Variants in MTOR observed in about 807,000 individuals in gnomAD.
The protein encoded by MTOR is mechanistic target of rapamycin kinase.
Under a neutral mutation model 319.8 loss-of-function variants are expected in MTOR, and 70 were observed. That is an observed-to-expected ratio of 0.22 (90% CI 0.18 to 0.27). MTOR has a LOEUF of 0.27. Ranked by LOEUF, MTOR falls within the 10% of genes least tolerant of loss-of-function variation. MTOR has a pLI of 1.00. For synonymous variants in MTOR, 1,183 were observed against 1,211.4 expected, an observed-to-expected ratio of 0.98 and a Z score of 0.49; for missense variants, 1,890 against 3,274.4, an observed-to-expected ratio of 0.58 and a Z score of 10.32.
Position 11,130,626 on chromosome 1 carries a change from G to C in MTOR, c.5516C>G (p.Thr1839Ser), listed in dbSNP as rs1643096210. 6.2e-7 allele frequency: 1 copy of C among 1,613,778 alleles called. No individual in the cohort carries two copies. The highest frequency in any genetic ancestry group is 1.1e-5 in the South Asian group (1 of 91,034). Reference protein sequence around the residue: ...TTAATTAATATTTASTEGSNS... With the variant: ...TTAATTAATASTTASTEGSNS... Reference sequence around the variant, plus strand: ...GCTGCCCTCGGTGCTGGCAGTGGTGGTGGCAGTGGCGGCCGTGGTGGCGGC... The same window carrying C: ...GCTGCCCTCGGTGCTGGCAGTGGTGCTGGCAGTGGCGGCCGTGGTGGCGGC... Residue 1839 changes from threonine (T) to serine (S), a missense_variant, in exon 39 of 58, where the codon ACC becomes AGC. Thr to Ser is a moderately conservative substitution (Grantham distance 58, BLOSUM62 1). Coordinates refer to ENST00000361445, the MANE Select transcript of MTOR (RefSeq NM_004958.4).
intron 28 of MTOR, chr1:11,194,442 G>GC: frequency 6.2e-7 from 1 of 1,612,914 alleles, no homozygotes; most frequent in Non-Finnish European, 8.5e-7. Flanking sequence ...TTTCTTTAAG[G>GC]CTCTGCTCCT....
At chr1:11,147,189 T>C (rs889375038) in intron 31 of MTOR, among the ~76,000 whole-genome samples, 2 of 152,356 alleles carry the variant, frequency 1.3e-5, no homozygotes, top group Non-Finnish European at 2.9e-5. Context: ...TTCAATGGTA[T>C]GTTGGGAAAT....
chr1:11,230,801 A>G, intron 18 of MTOR, 124 bp downstream of exon 18: 2 of 1,321,136 alleles, frequency 1.5e-6, no homozygotes, highest in Non-Finnish European at 2.1e-6. Context: ...TTCATTCAAA[A>G]GTTGCTACAC....
chr1:11,124,733 C>G (rs1447147117), intron 46 of MTOR, 100 bp from the exon 47 acceptor site: 3 of 1,290,294 alleles, frequency 2.3e-6, no homozygotes, highest in Non-Finnish European at 3.1e-6. Flanking sequence ...CTACATATGC[C>G]TTACCTAATC....
chr1:11,247,922 G>A lies in MTOR; in HGVS notation c.1013C>T (p.Ser338Phe), dbSNP rs773862672. ...CCCAAATCCCATGAGGCCTTGGTGA[G>A]AGCTGTACCCCAGCAGCCCCACCAA... The part of the protein sequence containing the change: ...NALVGLLGYS[S>F]HQGLMGFGTS... Residue 338 changes from serine (S) to phenylalanine (F), a missense_variant, in exon 7 of 58, where the codon TCT becomes TTT. Physicochemically the swap from Ser to Phe is radical, Grantham distance 155. Coordinates refer to ENST00000361445, the MANE Select transcript of MTOR (RefSeq NM_004958.4). 6.2e-7 allele frequency: 1 copy of A among 1,614,200 alleles called. No individual in the cohort carries two copies. The highest frequency in any genetic ancestry group is 1.1e-5 in the South Asian group (1 of 91,082).
intron 28 of MTOR, among the ~76,000 whole-genome samples, chr1:11,171,476 C>G (rs1644812335): frequency 6.6e-6 from 1 of 151,680 alleles, no homozygotes; most frequent in Non-Finnish European, 1.5e-5. Context: ...TTAACATTAC[C>G]GAAGCTCGAT....
chr1:11,235,117 A>G (rs1450156742), intron 13 of MTOR, among the ~76,000 whole-genome samples: 1 of 152,194 alleles, frequency 6.6e-6, no homozygotes, highest in Non-Finnish European at 1.5e-5. Context: ...ACCACAGGGA[A>G]AAGAAATGAA....
At chr1:11,167,989 G>T (rs1038349985) in intron 28 of MTOR, among the ~76,000 whole-genome samples, 1 of 151,936 alleles carries the variant, frequency 6.6e-6, no homozygotes, top group East Asian at 1.9e-4. Flanking sequence ...AGAATGGCGT[G>T]AACCTGGGAG....
In MTOR at chr1:11,107,055, ATC is replaced by A; in HGVS notation, c.*428_*429del. The A allele has an allele frequency of 7.3e-7, 1 of 1,371,908 alleles. No individual in the cohort carries two copies. Among genetic ancestry groups the A allele is most frequent in the Non-Finnish European group, 9.6e-7 (1 of 1,039,738 alleles). The allele number at this position is 1,371,908 out of a possible 1,614,324, so 85.0% of individuals were successfully genotyped here. ...TGTGTCTTTACAGTCTAGGATCCTA[ATC>A]CATGTTCTCCACGACCTGAGGCTTC... is the stretch of plus-strand genomic sequence containing the variant. On this transcript the variant is annotated 3_prime_UTR_variant, in exon 58 of 58. Transcript: ENST00000361445.
At chr1:11,180,821 G>C (rs553469567) in intron 28 of MTOR, among the ~76,000 whole-genome samples, 1 of 150,586 alleles carries the variant, frequency 6.6e-6, no homozygotes, top group East Asian at 1.9e-4. Flanking sequence ...TCTGTCGCCA[G>C]GCTGGAGTGC....
At chr1:11,211,544 T>G (rs546451748) in intron 23 of MTOR, among the ~76,000 whole-genome samples, 1 of 152,266 alleles carries the variant, frequency 6.6e-6, no homozygotes, top group South Asian at 2.1e-4. Context: ...AGTTTTAAAT[T>G]TTTTTGTGGA....
chr1:11,239,629 G>T (rs1553127040), intron 11 of MTOR, among the ~76,000 whole-genome samples: 1 of 152,116 alleles, frequency 6.6e-6, no homozygotes, highest in Non-Finnish European at 1.5e-5. Context: ...CGCCAGCCGG[G>T]CACAGTGGCT....
intron 9 of MTOR, 142 bp from the exon 10 acceptor site, chr1:11,241,823 C>T (rs1648076314): frequency 1.2e-6 from 1 of 811,896 alleles, no homozygotes; most frequent in South Asian, 1.8e-5. Flanking sequence ...GAGCACAGTT[C>T]AAAGGGACCC....
intron 57 of MTOR, 130 bp downstream of exon 57, chr1:11,108,051 A>T: frequency 1.6e-6 from 1 of 635,390 alleles, no homozygotes; most frequent in Non-Finnish European, 2.7e-6. Context: ...ATGAATTTTT[A>T]AAGAGATCTG....
At chr1:11,259,484 T>C in intron 1 of MTOR, 61 bp from the exon 2 acceptor site, 2 of 1,492,700 alleles carry the variant, frequency 1.3e-6, no homozygotes, top group South Asian at 1.4e-5. Context: ...AATTTACTTA[T>C]GGCCCTGGTC....
In MTOR at chr1:11,121,911, A is replaced by G. The variant is rs563716651; in HGVS notation, c.6810+68T>C. 3 of 1,577,334 alleles carry G rather than the reference A, an allele frequency of 1.9e-6. No homozygotes were observed. In the African/African-American group the frequency reaches 4.0e-5, roughly 21 times the overall value. On this transcript the variant is annotated intron_variant, in intron 48 of 57. Transcript: ENST00000361445. The surrounding 1 kb of genome is among the most constrained non-coding windows in gnomAD (Gnocchi z 4.9). ...AGTGACAGACATACAGAGAGGAATG[A>G]GAAAAGCAGCGCTACGGAGATTCCC...
chr1:11,247,702 C>G lies in MTOR; in HGVS notation c.1148G>C (p.Ser383Thr). The G allele has an allele frequency of 6.2e-7, 1 of 1,614,148 alleles. No individual in the cohort carries two copies. Among genetic ancestry groups the G allele is most frequent in the Non-Finnish European group, 8.5e-7 (1 of 1,180,030 alleles). Residue 383 changes from serine to threonine, a missense_variant, in exon 8 of 58, where the codon AGC (serine) becomes ACC (threonine). Physicochemically the swap from Ser to Thr is moderately conservative, Grantham distance 58. This residue lies in a region of MTOR where 418 missense variants were observed against 543.1 expected (regional missense o/e 0.77). Transcript: ENST00000361445. ...VCQWVLKCRN[S>T]KNSLIQMTIL... is the part of the protein sequence containing the mutation. ...TGTCATTTGGATCAGCGAGTTCTTG[C>G]TATTCCTGCATTTCAGCACCCACTG...
rs144144820 is a variant in MTOR at position 11,160,392 on chromosome 1, G to T, written c.4330-3101C>A. Among the ~76,000 whole-genome samples, 1,125 of 152,236 alleles carry T rather than the reference G, an allele frequency of 7.4e-3. 49 individuals carry two copies. The highest frequency in any genetic ancestry group is 0.07 in the Admixed American group (1,064 of 15,288). On this transcript the variant is annotated intron_variant, in intron 29 of 57. Transcript: ENST00000361445. ...TGGGATTGTAGGCGTGAGCCACTGC[G>T]CCCGGCTGTATAGCATATATTTTCT... is the stretch of plus-strand genomic sequence containing the variant.
intron 34 of MTOR, among the ~76,000 whole-genome samples, chr1:11,139,926 G>A (rs1336972147): frequency 6.6e-6 from 1 of 152,098 alleles, no homozygotes; most frequent in African/African-American, 2.4e-5. Context: ...TCCTGACCTC[G>A]TGATCCAACC....
Sources: gnomAD v4.1 joint callset for allele counts (sites outside exome capture counted in the v4.1 genomes callset) on GRCh38, gnomAD v4.1.1 for gene constraint, gnomAD v4.1.1 regional missense constraint, Gnocchi (gnomAD v3.1) non-coding constraint, MANE v1.5 for transcripts, NCBI Gene and HGNC (gene_info 2026-07-23, HGNC 2026-07-21) for gene names.